The following EMCN variants were observed in gnomAD, a reference collection of about 807,000 sequenced individuals.
EMCN encodes endomucin, also known as MUC-14.
In EMCN, 37 loss-of-function variants were observed where a neutral mutation model predicts 38.4. The ratio of observed to expected loss-of-function variants is 0.96; its 90% CI spans 0.74 to 1.27. The LOEUF is 1.27. Among genes scored for constraint, EMCN ranks in the 50% most tolerant of loss-of-function variants. The probability of loss-of-function intolerance (pLI) is 0.00; values close to 1 mark genes in which losing one functional copy is unlikely to be tolerated. For missense variants in EMCN, 318 were observed against 302.8 expected (o/e 1.05, Z -0.37); for synonymous variants, 95 against 100.8 (o/e 0.94, Z 0.35).
intron 1 of EMCN, among the ~76,000 whole-genome samples, chr4:100,489,363 A>C (rs1319746821): frequency 6.6e-6 from 1 of 152,176 alleles, no homozygotes; most frequent in African/African-American, 2.4e-5. Flanking sequence ...TTCTATTTTT[A>C]ATTTTTTGAG....
At chr4:100,491,451 AC>A (rs970259451) in intron 1 of EMCN, among the ~76,000 whole-genome samples, 4 of 152,130 alleles carry the variant, frequency 2.6e-5, no homozygotes, top group Non-Finnish European at 5.9e-5. Flanking sequence ...AATCTGCCAT[AC>A]CTATGAATTT....
At chr4:100,462,062 A>T (rs1490742324) in intron 4 of EMCN, among the ~76,000 whole-genome samples, 1 of 152,226 alleles carries the variant, frequency 6.6e-6, no homozygotes, top group Non-Finnish European at 1.5e-5. Flanking sequence ...TATATCAAGT[A>T]GGGTCCATGT....
At chr4:100,513,956 T>C (rs1388698937) in intron 1 of EMCN, among the ~76,000 whole-genome samples, 2 of 152,046 alleles carry the variant, frequency 1.3e-5, no homozygotes, top group Non-Finnish European at 2.9e-5. Flanking sequence ...TTCATGCAAA[T>C]AACTATGACA....
chr4:100,448,402 T>C (rs968353084), intron 4 of EMCN, among the ~76,000 whole-genome samples: 2 of 152,132 alleles, frequency 1.3e-5, no homozygotes, highest in Admixed American at 6.6e-5. Context: ...CAAACAGAAC[T>C]CTTGACTGTT....
intron 5 of EMCN, among the ~76,000 whole-genome samples, chr4:100,427,832 C>G (rs1727093179): frequency 6.6e-6 from 1 of 152,126 alleles, no homozygotes; most frequent in South Asian, 2.1e-4. Context: ...ATTTTAACTT[C>G]CACTCTATCT....
rs543210692 is a variant in EMCN, at chr4:100,395,902, A to T, written c.*2511T>A. ...GCTTTTGTTTATGTTTTGACTATTG[A>T]TAGACTTAAATTATATTCATATTAT... On this transcript the variant is annotated 3_prime_UTR_variant, in exon 12 of 12. Coordinates refer to ENST00000296420, the MANE Select transcript of EMCN (RefSeq NM_016242.4). The T allele has an allele frequency of 6.6e-6, 1 of 152,276 alleles. No homozygotes were observed. Among genetic ancestry groups the T allele is most frequent in the South Asian group, 2.1e-4 (1 of 4,830 alleles). The allele number at this position is 152,276 out of a possible 1,614,324, so 9.4% of individuals were successfully genotyped here. A position where few individuals can be genotyped will look rare whatever the true frequency, so the allele number is the denominator to read the frequency against.
At chr4:100,448,824 C>CT (rs748730821) in intron 4 of EMCN, among the ~76,000 whole-genome samples, 60,200 of 138,156 alleles carry the variant, frequency 0.44, 14,077 homozygotes, top group East Asian at 0.79. Flanking sequence ...TCCTTCCTTC[C>CT]TCCCTCCCTC....
chr4:100,470,627 C>A (rs943320865), intron 3 of EMCN, among the ~76,000 whole-genome samples: 2 of 151,920 alleles, frequency 1.3e-5, no homozygotes, highest in Non-Finnish European at 2.9e-5. Flanking sequence ...GGCATGCAAT[C>A]AACCTAAATG....
Position 100,447,650 on chromosome 4 carries a change from G to A in EMCN, c.377-79C>T. ...ATCTATTCTCACAATTGTTTCAGGT[G>A]GTAAATGAGTATGAATTTTAGCTCA... On this transcript the variant is annotated intron_variant, in intron 4 of 11. Coordinates refer to ENST00000296420, the MANE Select transcript of EMCN (RefSeq NM_016242.4). The A allele has an allele frequency of 3.5e-6, 3 of 845,456 alleles. No individual in the cohort carries two copies. The South Asian group carries it at 4.8e-5, about 14-fold the overall frequency. 52.4% of individuals were successfully genotyped at this position (845,456 alleles called of 1,614,324 possible). A position where few individuals can be genotyped will look rare whatever the true frequency, so the allele number is the denominator to read the frequency against.
At chr4:100,416,065 A>G (rs1726722216) in intron 9 of EMCN, 106 bp from the exon 10 acceptor site, 2 of 608,074 alleles carry the variant, frequency 3.3e-6, no homozygotes, top group East Asian at 6.0e-5. Flanking sequence ...ATGCATATAT[A>G]TATATAATGT....
At chr4:100,503,504 G>T (rs1729403104) in intron 1 of EMCN, among the ~76,000 whole-genome samples, 1 of 151,962 alleles carries the variant, frequency 6.6e-6, no homozygotes, top group South Asian at 2.1e-4. Flanking sequence ...TTACACATGG[G>T]TGTTCTTTGC....
At chr4:100,431,637 C>T (rs1458574470) in intron 5 of EMCN, among the ~76,000 whole-genome samples, 1 of 152,114 alleles carries the variant, frequency 6.6e-6, no homozygotes, top group Non-Finnish European at 1.5e-5. Context: ...GGCCTTTGGA[C>T]TCAGGCTGGC....
chr4:100,401,207 A>T (rs1414972678), intron 11 of EMCN, among the ~76,000 whole-genome samples: 1 of 152,148 alleles, frequency 6.6e-6, no homozygotes, highest in African/African-American at 2.4e-5. Flanking sequence ...TTGGCCTTCC[A>T]TATCTGTGGG....
chr4:100,433,330 T>C (rs990971286), intron 5 of EMCN, among the ~76,000 whole-genome samples: 67 of 152,192 alleles, frequency 4.4e-4, no homozygotes, highest in African/African-American at 1.5e-3. Flanking sequence ...TTTCACTGAA[T>C]ATGGAATATT....
At chr4:100,511,846 A>AT (rs397692704) in intron 1 of EMCN, among the ~76,000 whole-genome samples, 2 of 151,776 alleles carry the variant, frequency 1.3e-5, no homozygotes, top group East Asian at 3.9e-4. Flanking sequence ...TAAAAAAAAA[A>AT]ATAGGAAGAG....
chr4:100,517,220 T>A (rs1729781289), intron 1 of EMCN, among the ~76,000 whole-genome samples: 1 of 152,146 alleles, frequency 6.6e-6, no homozygotes, highest in Non-Finnish European at 1.5e-5. Context: ...AGTCAATAGG[T>A]AGGATTTTTA....
intron 5 of EMCN, among the ~76,000 whole-genome samples, chr4:100,431,425 C>T (rs1003950905): frequency 3.3e-5 from 5 of 152,094 alleles, no homozygotes; most frequent in African/African-American, 1.2e-4. Context: ...AAGCAGATTG[C>T]CCTCCCTGAC....
At position 100,415,941 on chromosome 4, in the gene EMCN, CTCTT is replaced by C. The variant is rs1276556900; in HGVS notation, c.704_707del (p.Lys235ArgfsTer3). 1 of 1,591,390 alleles carries C rather than the reference CTCTT, an allele frequency of 6.3e-7. No homozygotes were observed. The highest frequency in any genetic ancestry group is 8.5e-7 in the Non-Finnish European group (1 of 1,170,908). ...TCTTAACGGTAAGAAGCTTCACGCT[CTCTT>C]TATCAGACTGAGGTCTATTTGAAAA... On this transcript the variant is annotated frameshift_variant, in exon 10 of 12. Coordinates refer to ENST00000296420, the MANE Select transcript of EMCN (RefSeq NM_016242.4). LOFTEE classifies it high-confidence loss of function.
At chr4:100,472,982 T>C (rs1369028617) in intron 3 of EMCN, among the ~76,000 whole-genome samples, 2 of 147,198 alleles carry the variant, frequency 1.4e-5, no homozygotes, top group East Asian at 3.9e-4. Context: ...TCTAGAAATA[T>C]ATATATTCTA....
Sources: gnomAD v4.1 joint callset for allele counts (sites outside exome capture counted in the v4.1 genomes callset) on GRCh38, gnomAD v4.1.1 for gene constraint, MANE v1.5 for transcripts, NCBI Gene and HGNC (gene_info 2026-07-23, HGNC 2026-07-21) for gene names.